Variants in ARRB1 observed in about 807,000 individuals in gnomAD.
ARRB1 encodes arrestin beta 1.
A neutral mutation model predicts 56.8 loss-of-function variants in ARRB1; 21 were observed. That is an observed-to-expected ratio of 0.37 (90% CI 0.26 to 0.53). The LOEUF (loss-of-function observed/expected upper bound fraction) is 0.53. Ranked by LOEUF, ARRB1 falls within the 20% of genes least tolerant of loss-of-function variation. The pLI is 0.88. For missense variants in ARRB1, 424 were observed against 553.7 expected (o/e 0.77, Z 2.35); for synonymous variants, 210 against 218.6 (o/e 0.96, Z 0.35).
At chr11:75,316,799 G>A (rs1947273060) in intron 1 of ARRB1, among the ~76,000 whole-genome samples, 1 of 152,074 alleles carries the variant, frequency 6.6e-6, no homozygotes, top group Non-Finnish European at 1.5e-5. Context: ...CAGGTGCAGT[G>A]GCTCACGCCT....
In ARRB1 at chr11:75,299,858, G is replaced by T. The variant is rs574653867; in HGVS notation, c.21-9819C>A. Among the ~76,000 whole-genome samples the T allele has an allele frequency of 6.6e-5, 10 of 152,272 alleles. 1 individual carries two copies. The South Asian group carries it at 2.1e-3, about 32-fold the overall frequency. On this transcript the variant is annotated intron_variant, in intron 1 of 15. Coordinates refer to ENST00000420843, the MANE Select transcript of ARRB1 (RefSeq NM_004041.5). ...AATAAATAAATATAGGATGACTATG[G>T]TTAAATGAATGCCCTAAGAGAATTA...
chr11:75,306,039 G>A (rs185792966), intron 1 of ARRB1, among the ~76,000 whole-genome samples: 2 of 151,756 alleles, frequency 1.3e-5, no homozygotes, highest in South Asian at 2.1e-4. Flanking sequence ...CGCACACCCC[G>A]ACACCACACT....
chr11:75,313,332 CAG>C (rs1947202872), intron 1 of ARRB1, among the ~76,000 whole-genome samples: 1 of 152,194 alleles, frequency 6.6e-6, no homozygotes, highest in African/African-American at 2.4e-5. Flanking sequence ...GCCTGCGTGA[CAG>C]AGTGAGACTC....
chr11:75,325,309 G>T (rs1258036643), intron 1 of ARRB1, among the ~76,000 whole-genome samples: 1 of 152,132 alleles, frequency 6.6e-6, no homozygotes, highest in Non-Finnish European at 1.5e-5. Flanking sequence ...CCCAAAAAAG[G>T]CAGTTTACTT....
rs1022839242 is a variant in ARRB1, at chr11:75,271,416, T to G, written c.1022+285A>C. 6 of 336,746 alleles carry G rather than the reference T, an allele frequency of 1.8e-5. No homozygotes were observed. In the East Asian group the frequency reaches 2.8e-4, roughly 16 times the overall value. The allele number at this position is 336,746 out of a possible 1,614,324, so 20.9% of individuals were successfully genotyped here. A position where few individuals can be genotyped will look rare whatever the true frequency, so the allele number is the denominator to read the frequency against. On this transcript the variant is annotated intron_variant, in intron 13 of 15. Coordinates refer to ENST00000420843, the MANE Select transcript of ARRB1 (RefSeq NM_004041.5). ...TGCATTTCTCCAAAAGCTCCTATAATTCAGGTGATCAGTAATTCAGACAGC... is the reference window on the plus strand; with the variant it reads ...TGCATTTCTCCAAAAGCTCCTATAAGTCAGGTGATCAGTAATTCAGACAGC...
chr11:75,298,564 G>A (rs1223204778), intron 1 of ARRB1, among the ~76,000 whole-genome samples: 2 of 152,138 alleles, frequency 1.3e-5, no homozygotes, highest in Admixed American at 6.5e-5. Flanking sequence ...GGAGAAACTG[G>A]AAACTTCATA....
At chr11:75,328,361 G>T (rs769537107) in intron 1 of ARRB1, among the ~76,000 whole-genome samples, 1 of 152,184 alleles carries the variant, frequency 6.6e-6, no homozygotes, top group Non-Finnish European at 1.5e-5. Flanking sequence ...TGGGCATTTA[G>T]GCTGTCTGTT....
intron 1 of ARRB1, among the ~76,000 whole-genome samples, chr11:75,302,003 A>C (rs1946916172): frequency 6.6e-6 from 1 of 152,316 alleles, no homozygotes; most frequent in South Asian, 2.1e-4. Context: ...AGCCCGAGTG[A>C]GAGAAGAGTC....
At chr11:75,332,504 C>T (rs1406098871) in intron 1 of ARRB1, among the ~76,000 whole-genome samples, 1 of 152,202 alleles carries the variant, frequency 6.6e-6, no homozygotes, top group Non-Finnish European at 1.5e-5. Context: ...AAAGAACTTT[C>T]GTCTCCACAA....
At position 75,261,065 on chromosome 11, in the gene ARRB1, T is replaced by G. The variant is rs994344574; in HGVS notation, c.*5098A>C. On this transcript the variant is annotated 3_prime_UTR_variant, in exon 16 of 16. Transcript: ENST00000420843. ...TTCCTTGCTCCAGAGCTCCCCATGC[T>G]TCATGGGCCAATATCAGGGTCACGA... The G allele has an allele frequency of 6.6e-5, 10 of 151,916 alleles. No homozygotes were observed. Among genetic ancestry groups the G allele is most frequent in the Non-Finnish European group, 1.2e-4 (8 of 68,066 alleles). 9.4% of individuals were successfully genotyped at this position (151,916 alleles called of 1,614,324 possible).
chr11:75,306,536 C>T, intron 1 of ARRB1: 1 of 1,175,008 alleles, frequency 8.5e-7, no homozygotes, highest in Non-Finnish European at 1.1e-6. Flanking sequence ...CCTGGTGAGT[C>T]AGATAGAAAG....
At chr11:75,332,961 C>T (rs1264379876) in intron 1 of ARRB1, among the ~76,000 whole-genome samples, 1 of 152,118 alleles carries the variant, frequency 6.6e-6, no homozygotes, top group African/African-American at 2.4e-5. Context: ...TGAGTTGTCC[C>T]ACCTTTCTGA....
At chr11:75,291,291 G>A (rs768939282) in intron 1 of ARRB1, among the ~76,000 whole-genome samples, 1 of 152,120 alleles carries the variant, frequency 6.6e-6, no homozygotes, top group Non-Finnish European at 1.5e-5. Context: ...CCAAGATCAC[G>A]CCACTGCACT....
chr11:75,339,387 C>T (rs1466971987), intron 1 of ARRB1, among the ~76,000 whole-genome samples: 2 of 152,242 alleles, frequency 1.3e-5, no homozygotes, highest in African/African-American at 2.4e-5. Flanking sequence ...TTTCACTTTT[C>T]ACCCTAGTTT....
At chr11:75,318,493 C>T (rs1947298907) in intron 1 of ARRB1, among the ~76,000 whole-genome samples, 4 of 152,114 alleles carry the variant, frequency 2.6e-5, no homozygotes, top group African/African-American at 2.4e-5. Context: ...AGTTCGAGAC[C>T]AGCCTGGCCA....
rs1313963384 is a variant in ARRB1 at position 75,263,717 on chromosome 11, C to T, written c.*2446G>A. On this transcript the variant is annotated 3_prime_UTR_variant, in exon 16 of 16. Transcript: ENST00000420843. ...GAATTCAACTAAATTTGGCCATTGC[C>T]TTGTGCAGTCCTGGCTCCAGGAGAA... Among the ~76,000 whole-genome samples the T allele has an allele frequency of 2.0e-5, 3 of 151,034 alleles. No homozygotes were observed. Among genetic ancestry groups the T allele is most frequent in the East Asian group, 2.0e-4 (1 of 5,124 alleles).
intron 3 of ARRB1, among the ~76,000 whole-genome samples, chr11:75,285,152 T>C (rs1160824594): frequency 6.6e-6 from 1 of 152,174 alleles, no homozygotes; most frequent in East Asian, 1.9e-4. Context: ...GCTTGGCACA[T>C]GTGGATTGGG....
chr11:75,323,663 T>TTC (rs1240962174), intron 1 of ARRB1, among the ~76,000 whole-genome samples: 1 of 152,068 alleles, frequency 6.6e-6, no homozygotes, highest in African/African-American at 2.4e-5. Flanking sequence ...AGAGGAAACC[T>TTC]TCTCTCCCCC....
chr11:75,289,861 C>T, intron 2 of ARRB1, 148 bp downstream of exon 2: 2 of 1,142,946 alleles, frequency 1.7e-6, no homozygotes, highest in South Asian at 1.3e-5. Context: ...AGAGAGAGAG[C>T]TGTGTCACCC....
Sources: allele counts gnomAD v4.1 joint callset (sites outside exome capture counted in the v4.1 genomes callset), GRCh38; gene constraint gnomAD v4.1.1; transcripts MANE v1.5; gene names NCBI Gene and HGNC (gene_info 2026-07-23, HGNC 2026-07-21).